The following DNAH14 variants were observed in gnomAD, a reference collection of about 807,000 sequenced individuals.
The protein encoded by DNAH14 is axonemal beta dynein heavy chain 14.
Under a neutral mutation model 520.9 loss-of-function variants are expected in DNAH14, and 478 were observed. The observed-to-expected ratio is 0.92, with a 90% confidence interval of 0.85 to 0.99. DNAH14 has a LOEUF of 0.99. Ranked by LOEUF, DNAH14 falls within the 50% of genes least tolerant of loss-of-function variation. The probability of loss-of-function intolerance (pLI) is 0.00; values close to 1 mark genes in which losing one functional copy is unlikely to be tolerated. For missense variants in DNAH14, 4,831 were observed against 5,234.5 expected (o/e 0.92, Z 2.38); for synonymous variants, 1,581 against 1,757.2 (o/e 0.90, Z 2.51).
chr1:225,298,596 A>G (rs72748696), intron 55 of DNAH14, among the ~76,000 whole-genome samples: 1,831 of 152,218 alleles, frequency 0.012, 8 homozygotes, highest in Non-Finnish European at 0.019. Context: ...AAGAATGAAG[A>G]TGAAGTCCCA....
intron 66 of DNAH14, among the ~76,000 whole-genome samples, chr1:225,335,124 TACATATGTGCATGTGC>T (rs1327893640): frequency 6.8e-6 from 1 of 146,166 alleles, no homozygotes; most frequent in African/African-American, 2.6e-5. Context: ...TATACATGTG[TACATATGTGCATGTGC>T]ACATGTGTAC....
intron 8 of DNAH14, among the ~76,000 whole-genome samples, chr1:224,975,759 C>G (rs1158427400): frequency 3.3e-5 from 5 of 150,972 alleles, no homozygotes; most frequent in African/African-American, 1.2e-4. Context: ...TATTTCTTGC[C>G]TTCTGCTAGC....
intron 62 of DNAH14, 129 bp downstream of exon 62, chr1:225,322,952 C>A: frequency 9.8e-7 from 1 of 1,021,814 alleles, no homozygotes; most frequent in Non-Finnish European, 1.4e-6. Context: ...CTCTATTCTT[C>A]CAGGCAAGAG....
chr1:225,324,617 T>C (rs2094617930), intron 63 of DNAH14, 120 bp from the exon 64 acceptor site: 1 of 1,003,028 alleles, frequency 1.0e-6, no homozygotes, highest in East Asian at 2.6e-5. Context: ...CATATACATA[T>C]AGTTCTAGGA....
intron 43 of DNAH14, among the ~76,000 whole-genome samples, chr1:225,246,252 G>A (rs1241166086): frequency 2.0e-5 from 3 of 151,988 alleles, no homozygotes; most frequent in African/African-American, 4.8e-5. Context: ...AGATGTAAAT[G>A]TAAGACCCAA....
chr1:225,140,762 T>C lies in DNAH14; in HGVS notation c.4255-6T>C. The C allele has an allele frequency of 6.6e-7, 1 of 1,512,866 alleles. No homozygotes were observed. The highest frequency in any genetic ancestry group is 2.0e-5 in the Admixed American group (1 of 50,708). The allele number at this position is 1,512,866 out of a possible 1,614,324, so 93.7% of individuals were successfully genotyped here. A position where few individuals can be genotyped will look rare whatever the true frequency, so the allele number is the denominator to read the frequency against. ...ATATATATATAACATTATCTTACTT[T>C]TTCAGAGCCAGATCATGTTTTATAA... is the stretch of plus-strand genomic sequence containing the variant. On this transcript the variant is annotated splice_region_variant and splice_polypyrimidine_tract_variant and intron_variant, in intron 27 of 85. Transcript: ENST00000682510.
chr1:225,196,978 T>G (rs1221402854), intron 38 of DNAH14, among the ~76,000 whole-genome samples: 1 of 152,242 alleles, frequency 6.6e-6, no homozygotes, highest in Non-Finnish European at 1.5e-5. Flanking sequence ...TGTGAAGATT[T>G]TCTCCCACTC....
At chr1:225,050,891 A>G (rs1303860653) in intron 16 of DNAH14, among the ~76,000 whole-genome samples, 1 of 152,234 alleles carries the variant, frequency 6.6e-6, no homozygotes, top group Non-Finnish European at 1.5e-5. Flanking sequence ...ACCTCAGTTC[A>G]TCAGGCATTA....
At chr1:225,298,109 G>A (rs182957070) in intron 55 of DNAH14, among the ~76,000 whole-genome samples, 1 of 152,190 alleles carries the variant, frequency 6.6e-6, no homozygotes, top group Admixed American at 6.5e-5. Context: ...TGACCTGAAG[G>A]GGGTGTGTCT....
chr1:225,320,704 C>T (rs926482153), intron 61 of DNAH14, among the ~76,000 whole-genome samples: 7 of 152,080 alleles, frequency 4.6e-5, no homozygotes, highest in African/African-American at 1.7e-4. Flanking sequence ...CAACATGAAC[C>T]ACTAGAAGCA....
chr1:225,389,812 G>A lies in DNAH14; in HGVS notation c.13269G>A (p.Glu4423=). 1 of 1,551,984 alleles carries A rather than the reference G, an allele frequency of 6.4e-7. No individual in the cohort carries two copies. Among genetic ancestry groups the A allele is most frequent in the Non-Finnish European group, 8.7e-7 (1 of 1,147,034 alleles). The change falls in exon 83 of 86, where the codon GAG becomes GAA. Residue 4423 remains glutamate (E), a synonymous_variant. Transcript: ENST00000682510. The part of the protein sequence containing the change: ...SQKCKHPEDS[E]NNFFEGFPSR... Reference sequence around the variant, plus strand: ...AATGCAAACACCCTGAGGATTCAGAGAACAATTTCTTTGAAGGGTTTCCTT... The same window carrying A: ...AATGCAAACACCCTGAGGATTCAGAAAACAATTTCTTTGAAGGGTTTCCTT...
Position 225,381,571 on chromosome 1 carries a change from T to A in DNAH14, c.13069T>A (p.Leu4357Met). The A allele has an allele frequency of 1.3e-6, 2 of 1,511,796 alleles. No individual in the cohort carries two copies. Among genetic ancestry groups the A allele is most frequent in the Non-Finnish European group, 1.8e-6 (2 of 1,132,340 alleles). The allele number at this position is 1,511,796 out of a possible 1,614,324, so 93.6% of individuals were successfully genotyped here. The part of the protein sequence containing the change: ...NSFLNMRVPT[L>M]WQKHAYRSCK... ...TTTTCTTAATATGAGAGTGCCTACA[T>A]TGTGGCAGGTAAGCAATTATTATTA... Residue 4357 changes from leucine to methionine, a missense_variant, in exon 81 of 86, where the codon TTG becomes ATG. Physicochemically the swap from Leu to Met is conservative, Grantham distance 15. Transcript: ENST00000682510.
chr1:224,974,409 C>T (rs527300404), intron 8 of DNAH14, among the ~76,000 whole-genome samples: 1 of 152,108 alleles, frequency 6.6e-6, no homozygotes, highest in East Asian at 1.9e-4. Flanking sequence ...TTCTTGCTTC[C>T]AGGAAGAAGA....
intron 81 of DNAH14, among the ~76,000 whole-genome samples, chr1:225,387,260 T>A (rs1278632017): frequency 6.6e-6 from 1 of 151,728 alleles, no homozygotes; most frequent in Non-Finnish European, 1.5e-5. Context: ...GGGGGAGGGA[T>A]AGCATTAGGA....
In DNAH14 at chr1:225,002,918, C is replaced by A. The variant is rs1049852479; in HGVS notation, c.966C>A (p.Cys322Ter). 6 of 1,546,818 alleles carry A rather than the reference C, an allele frequency of 3.9e-6. No homozygotes were observed. The Admixed American group carries it at 1.2e-4, about 31-fold the overall frequency. Reference sequence around the variant, plus strand: ...ATGAAAATAATCTATCTGCCATATGCCTTGTAAAGGTGAGTAGAAGTATAC... The same window carrying A: ...ATGAAAATAATCTATCTGCCATATGACTTGTAAAGGTGAGTAGAAGTATAC... ...NDHENNLSAI[C>*]LVKLDSSRTY... is the part of the protein sequence containing the mutation. The change falls in exon 9 of 86, where the codon TGC becomes TGA. Residue 322 changes from cysteine to a stop codon, truncating the protein, a stop_gained. Transcript: ENST00000682510. LOFTEE classifies it high-confidence loss of function.
At chr1:225,039,211 G>C (rs561747888) in intron 12 of DNAH14, among the ~76,000 whole-genome samples, 9 of 136,844 alleles carry the variant, frequency 6.6e-5, no homozygotes, top group African/African-American at 2.2e-4. Flanking sequence ...CAGGAGTGAT[G>C]TTGTATGCTA....
intron 55 of DNAH14, among the ~76,000 whole-genome samples, chr1:225,297,677 G>T (rs1332276182): frequency 1.3e-5 from 2 of 152,226 alleles, no homozygotes; most frequent in African/African-American, 4.8e-5. Context: ...GGCTGTGAGG[G>T]TTTGTGGAGG....
At chr1:225,019,351 G>T (rs1160115569) in intron 10 of DNAH14, among the ~76,000 whole-genome samples, 3 of 152,138 alleles carry the variant, frequency 2.0e-5, no homozygotes, top group Non-Finnish European at 4.4e-5. Flanking sequence ...ACAATATAGA[G>T]TTCAGTACTA....
At chr1:225,355,836 T>C (rs1374549512) in intron 73 of DNAH14, among the ~76,000 whole-genome samples, 2 of 152,176 alleles carry the variant, frequency 1.3e-5, no homozygotes, top group Non-Finnish European at 2.9e-5. Context: ...ATCATCCCCA[T>C]CCATTTCCAA....
Sources: gnomAD v4.1 joint callset for allele counts (sites outside exome capture counted in the v4.1 genomes callset) on GRCh38, gnomAD v4.1.1 for gene constraint, MANE v1.5 for transcripts, NCBI Gene and HGNC (gene_info 2026-07-23, HGNC 2026-07-21) for gene names.